Variants in KLHL8 observed in about 807,000 individuals in gnomAD.
KLHL8 encodes the protein kelch like family member 8.
In KLHL8, 38 loss-of-function variants were observed where a neutral mutation model predicts 63.5. That is an observed-to-expected ratio of 0.60 (90% confidence interval 0.46 to 0.78). The LOEUF (loss-of-function observed/expected upper bound fraction) is 0.78, where lower values mean the gene tolerates loss of function less well. Among genes scored for constraint, KLHL8 ranks in the 30% least tolerant of loss-of-function variants. KLHL8 has a pLI of 0.00. For synonymous variants in KLHL8, 224 were observed against 254.3 expected, an observed-to-expected ratio of 0.88 and a Z score of 1.13; for missense variants, 566 against 752.4, an observed-to-expected ratio of 0.75 and a Z score of 2.90.
At chr4:87,207,405 G>A (rs1732175867) in intron 1 of KLHL8, 2 of 683,154 alleles carry the variant, frequency 2.9e-6, no homozygotes, top group Non-Finnish European at 5.4e-6. Flanking sequence ...CCATGGAGAA[G>A]GCTGGAGCTC....
chr4:87,196,270 C>T (rs1731698711), intron 1 of KLHL8, among the ~76,000 whole-genome samples: 1 of 151,856 alleles, frequency 6.6e-6, no homozygotes, highest in African/African-American at 2.4e-5. Flanking sequence ...GATAAACAAT[C>T]CCACTTAACA....
rs1344660404 is a variant in KLHL8, at chr4:87,162,049, A to G, written c.*1470T>C. On this transcript the variant is annotated 3_prime_UTR_variant, in exon 10 of 10. Transcript: ENST00000273963. ...AGAATCCCATTTAATAAGATGCATGAGCTATTAGTCAATGAACTTTAGGGC... is the reference window on the plus strand; with the variant it reads ...AGAATCCCATTTAATAAGATGCATGGGCTATTAGTCAATGAACTTTAGGGC... The G allele has an allele frequency of 6.6e-6, 1 of 152,002 alleles. No homozygotes were observed. The highest frequency in any genetic ancestry group is 1.5e-5 in the Non-Finnish European group (1 of 68,030). The allele number at this position is 152,002 out of a possible 1,614,324, so 9.4% of individuals were successfully genotyped here.
chr4:87,178,752 C>T (rs1276231190), intron 4 of KLHL8, 132 bp from the exon 5 acceptor site: 1 of 827,154 alleles, frequency 1.2e-6, no homozygotes, highest in Non-Finnish European at 1.7e-6. Flanking sequence ...TATTATGTTA[C>T]TAGAAATCTA....
At chr4:87,238,866 A>G (rs10006766) in intron 1 of KLHL8, among the ~76,000 whole-genome samples, 37,833 of 152,014 alleles carry the variant, frequency 0.25, 4,957 homozygotes, top group East Asian at 0.43. Context: ...GAGATAATGT[A>G]ATTTTTCATG....
chr4:87,164,949 CCATCCTGGCTAA>C (rs1190505387), intron 8 of KLHL8, among the ~76,000 whole-genome samples: 1 of 151,838 alleles, frequency 6.6e-6, no homozygotes, highest in Non-Finnish European at 1.5e-5. Context: ...GAGATCGAGA[CCATCCTGGCTAA>C]CACGGTGAAA....
intron 1 of KLHL8, among the ~76,000 whole-genome samples, chr4:87,225,782 G>A (rs569469192): frequency 2.7e-4 from 41 of 152,326 alleles, no homozygotes; most frequent in African/African-American, 8.2e-4. Context: ...TGCTAGTTCT[G>A]TTGGTGCTCT....
At chr4:87,186,275 T>C (rs912239780) in intron 2 of KLHL8, among the ~76,000 whole-genome samples, 1 of 152,084 alleles carries the variant, frequency 6.6e-6, no homozygotes, top group African/African-American at 2.4e-5. Context: ...CTTGAACTCC[T>C]GGCCTCAACT....
In KLHL8 at chr4:87,226,618, A is replaced by AGTT. The variant is rs1406227370; in HGVS notation, n.58-5229_58-5228insAAC. ...AAATAATATATATATTATTTATATA[A>AGTT]ATAATATATATTACTTATATAAATA... On this transcript the variant is annotated intron_variant and non_coding_transcript_variant, in intron 1 of 1. Coordinates refer to the KLHL8 transcript ENST00000506274. Among the ~76,000 whole-genome samples, 15 of 48,700 alleles carry AGTT rather than the reference A, an allele frequency of 3.1e-4. 1 individual carries two copies. The highest frequency in any genetic ancestry group is 1.7e-3 in the African/African-American group (15 of 8,792). 31.9% of individuals were successfully genotyped at this position (48,700 alleles called of 152,430 possible). A position where few individuals can be genotyped will look rare whatever the true frequency, so the allele number is the denominator to read the frequency against.
intron 8 of KLHL8, among the ~76,000 whole-genome samples, chr4:87,167,983 T>C (rs144632914): frequency 1.1e-3 from 164 of 152,310 alleles, no homozygotes; most frequent in African/African-American, 3.7e-3. Flanking sequence ...TAAAATATGC[T>C]AACTTCTCAG....
At chr4:87,163,731 TG>T in intron 9 of KLHL8, 89 bp from the exon 10 acceptor site, 1 of 1,571,704 alleles carries the variant, frequency 6.4e-7, no homozygotes, top group Non-Finnish European at 8.7e-7. Context: ...TATGTGAGAC[TG>T]GTTTTGTAGG....
At chr4:87,225,247 A>G (rs2110065508), upstream of KLHL8, among the ~76,000 whole-genome samples, 1 of 152,120 alleles carries the variant, frequency 6.6e-6, no homozygotes, top group East Asian at 1.9e-4. Context: ...CCCCCTCTCC[A>G]GTTTTGGGTT....
chr4:87,162,945 T>A lies in KLHL8; in HGVS notation c.*574A>T, dbSNP rs1199268528. Reference sequence around the variant, plus strand: ...ATAAGCTTCTGAAAATGCAGCTAAGTGGCATTCAAAAAGACAGAACATTTT... The same window carrying A: ...ATAAGCTTCTGAAAATGCAGCTAAGAGGCATTCAAAAAGACAGAACATTTT... On this transcript the variant is annotated 3_prime_UTR_variant, in exon 10 of 10. Transcript: ENST00000273963. 6.6e-6 allele frequency: 1 copy of A among 152,106 alleles called. No individual in the cohort carries two copies. The highest frequency in any genetic ancestry group is 1.5e-5 in the Non-Finnish European group (1 of 68,016). The allele number at this position is 152,106 out of a possible 1,614,324, so 9.4% of individuals were successfully genotyped here. A position where few individuals can be genotyped will look rare whatever the true frequency, so the allele number is the denominator to read the frequency against.
intron 8 of KLHL8, among the ~76,000 whole-genome samples, chr4:87,164,987 A>C (rs932737242): frequency 6.6e-6 from 1 of 151,924 alleles, no homozygotes; most frequent in African/African-American, 2.4e-5. Flanking sequence ...TCTCTACTAA[A>C]AATACAAAAA....
At chr4:87,237,936 T>C (rs35624376) in intron 1 of KLHL8, among the ~76,000 whole-genome samples, 37,863 of 151,704 alleles carry the variant, frequency 0.25, 4,962 homozygotes, top group East Asian at 0.43. Flanking sequence ...TGTGTTTTAG[T>C]GTTATATCAT....
Position 87,163,642 on chromosome 4 carries a change from C to T in KLHL8, c.1740G>A (p.Arg580=), listed in dbSNP as rs1435466954. ...TVEAFDPVLN[R]WELVGSVSHC... is the part of the protein sequence containing the mutation. ...GAGACACAGATCCAACAAGCTCCCA[C>T]CTGAAAAGACGGAGAAGAAAAAATG... Residue 580 remains arginine (R), a splice_region_variant and synonymous_variant, in exon 10 of 10, where the codon AGG becomes AGA. Coordinates refer to ENST00000273963, the MANE Select transcript of KLHL8 (RefSeq NM_020803.5). 2.5e-6 allele frequency: 4 copies of T among 1,612,156 alleles called. No homozygotes were observed. Among genetic ancestry groups the T allele is most frequent in the Non-Finnish European group, 3.4e-6 (4 of 1,179,608 alleles).
intron 6 of KLHL8, among the ~76,000 whole-genome samples, chr4:87,171,051 C>A (rs1180817567): frequency 6.6e-6 from 1 of 152,082 alleles, no homozygotes; most frequent in East Asian, 1.9e-4. Context: ...TTTCATTATA[C>A]CACACAAAAG....
chr4:87,172,966 C>T (rs1730689436), intron 6 of KLHL8, among the ~76,000 whole-genome samples: 2 of 152,010 alleles, frequency 1.3e-5, no homozygotes, highest in Admixed American at 1.3e-4. Flanking sequence ...AATTCAAAGC[C>T]CATCAGATAA....
chr4:87,223,075 C>T (rs982222376), upstream of KLHL8, among the ~76,000 whole-genome samples: 7 of 152,024 alleles, frequency 4.6e-5, no homozygotes, highest in African/African-American at 1.2e-4. Context: ...TCCCACCTCC[C>T]GAGTAGCTGG....
intron 1 of KLHL8, among the ~76,000 whole-genome samples, chr4:87,216,246 A>G (rs1732591123): frequency 6.6e-6 from 1 of 152,226 alleles, no homozygotes; most frequent in Non-Finnish European, 1.5e-5. Flanking sequence ...ACTATTATTC[A>G]TATGAAGGTA....
Sources: allele counts gnomAD v4.1 joint callset (sites outside exome capture counted in the v4.1 genomes callset), GRCh38; gene constraint gnomAD v4.1.1; transcripts MANE v1.5; gene names NCBI Gene and HGNC (gene_info 2026-07-23, HGNC 2026-07-21).